PROX1: variants seen among roughly 807,000 people sequenced by gnomAD.
PROX1 encodes prospero homeobox 1.
Under a neutral mutation model 58.8 loss-of-function variants are expected in PROX1, and 7 were observed. The observed-to-expected ratio is 0.12, with a 90% CI of 0.07 to 0.22. The LOEUF (loss-of-function observed/expected upper bound fraction) is 0.22. Among genes scored for constraint, PROX1 ranks in the 10% least tolerant of loss-of-function variants. The pLI is 1.00. For synonymous variants in PROX1, 350 were observed against 358.3 expected, an observed-to-expected ratio of 0.98 and a Z score of 0.26; for missense variants, 675 against 927.8, an observed-to-expected ratio of 0.73 and a Z score of 3.54.
upstream of PROX1, chr1:213,985,277 G>A (rs1662796748): frequency 6.6e-6 from 1 of 152,214 alleles, no homozygotes; most frequent in East Asian, 1.9e-4. Flanking sequence ...CAAAGCGGGA[G>A]TCGCCCGAGA....
Position 213,988,422 on chromosome 1 carries a change from G to GAGAT in PROX1, c.-125_-122dup, listed in dbSNP as rs1662890664. ...CCGGGGGAAAAAAAAGAGAGAGAGA[G>GAGAT]AGATAGAGAGAGAGAGAGAGAGAGA... On this transcript the variant is annotated 5_prime_UTR_variant, in exon 1 of 5. Transcript: ENST00000366958. The GAGAT allele has an allele frequency of 6.8e-6, 1 of 147,446 alleles. No individual in the cohort carries two copies. Among genetic ancestry groups the GAGAT allele is most frequent in the African/African-American group, 2.6e-5 (1 of 38,724 alleles). 9.1% of individuals were successfully genotyped at this position (147,446 alleles called of 1,614,324 possible).
At chr1:213,984,107 G>C (rs1190948125), upstream of PROX1, 2 of 152,238 alleles carry the variant, frequency 1.3e-5, no homozygotes, top group African/African-American at 2.4e-5. Flanking sequence ...CACTACTCCA[G>C]GGCAGGGAAT....
At chr1:214,022,133 G>A (rs967802973) in intron 4 of PROX1, among the ~76,000 whole-genome samples, 1 of 152,174 alleles carries the variant, frequency 6.6e-6, no homozygotes, top group Non-Finnish European at 1.5e-5. Flanking sequence ...CAATACCGTT[G>A]TAGGACTTAC....
chr1:213,993,023 C>T (rs1663092016), intron 1 of PROX1, among the ~76,000 whole-genome samples: 1 of 152,000 alleles, frequency 6.6e-6, no homozygotes, highest in African/African-American at 2.4e-5. Flanking sequence ...TTGATTATAC[C>T]TGGATGTTTA....
chr1:213,999,820 A>T (rs750157416), intron 2 of PROX1, among the ~76,000 whole-genome samples: 1 of 152,176 alleles, frequency 6.6e-6, no homozygotes, highest in Non-Finnish European at 1.5e-5. Context: ...GGCAGTAAAT[A>T]TTGATCAAAT....
At position 213,998,161 on chromosome 1, in the gene PROX1, C is replaced by A. The variant is rs772668981; in HGVS notation, c.1626C>A (p.His542Gln). The change falls in exon 2 of 5, where the codon CAC (histidine) becomes CAA (glutamine). Residue 542 changes from histidine (H) to glutamine (Q), a missense_variant. His to Gln is a conservative substitution (Grantham distance 24, BLOSUM62 0). Around this residue, in one of 8 missense-constraint regions of PROX1, gnomAD observed 403 missense variants for 477.4 expected, o/e 0.84. Transcript: ENST00000366958. ...HLSHHPCSPA[H>Q]PPSTAEGLSL... ...GCCACCACCCTTGTTCACCAGCACA[C>A]CCGCCCAGCACCGCCGAAGGGCTCT... is the stretch of plus-strand genomic sequence containing the variant. 6.2e-7 allele frequency: 1 copy of A among 1,614,234 alleles called. No homozygotes were observed. Among genetic ancestry groups the A allele is most frequent in the East Asian group, 2.2e-5 (1 of 44,878 alleles).
intron 4 of PROX1, among the ~76,000 whole-genome samples, chr1:214,017,933 A>T (rs771241548): frequency 2.0e-5 from 3 of 152,152 alleles, no homozygotes; most frequent in Non-Finnish European, 4.4e-5. Flanking sequence ...TCTTCATCCC[A>T]CAAAGGGTTA....
At chr1:213,995,821 T>C (rs1663241558) in intron 1 of PROX1, among the ~76,000 whole-genome samples, 1 of 152,206 alleles carries the variant, frequency 6.6e-6, no homozygotes, top group Admixed American at 6.5e-5. Context: ...AGCAGACTTA[T>C]AAAATGACTA....
intron 4 of PROX1, among the ~76,000 whole-genome samples, chr1:214,031,073 G>GCA (rs1664638779): frequency 2.0e-5 from 3 of 151,770 alleles, no homozygotes; most frequent in African/African-American, 7.2e-5. Context: ...GTGTGCGCGC[G>GCA]CGCGCATTCG....
intron 2 of PROX1, among the ~76,000 whole-genome samples, chr1:214,000,225 A>G (rs1423219573): frequency 6.6e-6 from 1 of 152,220 alleles, no homozygotes; most frequent in Non-Finnish European, 1.5e-5. Flanking sequence ...CATTATAACC[A>G]GATCATTATA....
chr1:214,020,618 T>A (rs1316557461), intron 4 of PROX1, among the ~76,000 whole-genome samples: 1 of 152,268 alleles, frequency 6.6e-6, no homozygotes, highest in African/African-American at 2.4e-5. Context: ...TGGGCTGTGA[T>A]GGATACTACA....
intron 4 of PROX1, among the ~76,000 whole-genome samples, chr1:214,019,236 C>T (rs931670513): frequency 6.6e-6 from 1 of 151,828 alleles, no homozygotes; most frequent in South Asian, 2.1e-4. Flanking sequence ...TCTTTTTGCC[C>T]CCCCACCCCA....
intron 4 of PROX1, among the ~76,000 whole-genome samples, chr1:214,023,380 A>G (rs1160373921): frequency 2.0e-5 from 3 of 151,644 alleles, no homozygotes; most frequent in East Asian, 1.9e-4. Context: ...TTTGAGACAC[A>G]GAGTGTTGCA....
chr1:214,022,635 G>C (rs1664321125), intron 4 of PROX1, among the ~76,000 whole-genome samples: 1 of 152,210 alleles, frequency 6.6e-6, no homozygotes, highest in South Asian at 2.1e-4. Context: ...TGAGATGCTG[G>C]GGGTGGTGGA....
At chr1:214,005,320 C>T in intron 3 of PROX1, 48 bp downstream of exon 3, 1 of 1,442,872 alleles carries the variant, frequency 6.9e-7, no homozygotes, top group East Asian at 2.3e-5. Context: ...ATGCATGTGG[C>T]AGTAATTTGA....
chr1:213,997,702 C>T lies in PROX1; in HGVS notation c.1167C>T (p.Pro389=), dbSNP rs1175606379. Reference sequence around the variant, plus strand: ...AGGTCTTCCCACCTCTCCAGATCCCCCAGGCCAGATTTGCAGTCAATGGGG... The same window carrying T: ...AGGTCTTCCCACCTCTCCAGATCCCTCAGGCCAGATTTGCAGTCAATGGGG... The part of the protein sequence containing the change: ...VPQVFPPLQI[P]QARFAVNGEN... Residue 389 remains proline, a synonymous_variant, in exon 2 of 5, where the codon CCC becomes CCT. Coordinates refer to ENST00000366958, the MANE Select transcript of PROX1 (RefSeq NM_001270616.2). The surrounding 1 kb of genome is among the most constrained non-coding windows in gnomAD (Gnocchi z 7.1). 6.2e-7 allele frequency: 1 copy of T among 1,614,114 alleles called. No homozygotes were observed. Among genetic ancestry groups the T allele is most frequent in the Non-Finnish European group, 8.5e-7 (1 of 1,179,998 alleles).
chr1:213,984,909 C>G (rs184517302), upstream of PROX1: 2 of 152,392 alleles, frequency 1.3e-5, no homozygotes, highest in African/African-American at 4.8e-5. Flanking sequence ...CTTATACACA[C>G]TGTCTTCCCT....
intron 2 of PROX1, among the ~76,000 whole-genome samples, chr1:214,000,033 C>CTCTGTCTCTCTCTG (rs111362811): frequency 2.0e-5 from 3 of 150,970 alleles, no homozygotes; most frequent in African/African-American, 7.4e-5. Context: ...TTCTGTCTCT[C>CTCTGTCTCTCTCTG]TCTCTCTCTT....
At chr1:214,014,367 A>C (rs543197452) in intron 4 of PROX1, among the ~76,000 whole-genome samples, 1 of 152,252 alleles carries the variant, frequency 6.6e-6, no homozygotes, top group Non-Finnish European at 1.5e-5. Context: ...AAACAGAGCT[A>C]AACCATGGTA....
Sources: allele counts gnomAD v4.1 joint callset (sites outside exome capture counted in the v4.1 genomes callset), GRCh38; gene constraint gnomAD v4.1.1; regional missense constraint gnomAD v4.1.1; non-coding constraint Gnocchi (gnomAD v3.1); transcripts MANE v1.5; gene names NCBI Gene and HGNC (gene_info 2026-07-23, HGNC 2026-07-21).